IQCK: variants seen among roughly 807,000 people sequenced by gnomAD.
The protein encoded by IQCK is IQ motif containing K, also known as IQ domain-containing protein K.
IQCK carries 29 observed loss-of-function variants against 28.1 expected under a neutral mutation model. The observed-to-expected ratio is 1.03, with a 90% CI of 0.77 to 1.41. The LOEUF (loss-of-function observed/expected upper bound fraction) is 1.41, where lower values mean the gene tolerates loss of function less well. Among genes scored for constraint, IQCK ranks in the 40% most tolerant of loss-of-function variants. The pLI is 0.00. For synonymous variants in IQCK, 113 were observed against 115.1 expected (o/e 0.98, Z 0.12); for missense variants, 359 against 314.7 (o/e 1.14, Z -1.07).
intron 4 of IQCK, among the ~76,000 whole-genome samples, chr16:19,760,568 T>G (rs1204001770): frequency 6.6e-6 from 1 of 152,212 alleles, no homozygotes; most frequent in Non-Finnish European, 1.5e-5. Context: ...GGAGTTATAC[T>G]TCAACATATG....
chr16:19,835,412 C>T (rs1288757185), intron 9 of IQCK, among the ~76,000 whole-genome samples: 1 of 152,174 alleles, frequency 6.6e-6, no homozygotes, highest in African/African-American at 2.4e-5. Context: ...CCAGCACACA[C>T]AGATCTATCC....
chr16:19,820,469 G>A (rs962832243), intron 7 of IQCK, among the ~76,000 whole-genome samples: 1 of 152,084 alleles, frequency 6.6e-6, no homozygotes, highest in African/African-American at 2.4e-5. Flanking sequence ...CTAACATGGT[G>A]AAACCCCGTC....
intron 6 of IQCK, among the ~76,000 whole-genome samples, chr16:19,774,968 C>G (rs1394581833): frequency 6.6e-6 from 1 of 152,104 alleles, no homozygotes; most frequent in Admixed American, 6.6e-5. Flanking sequence ...TAGGCCTTGC[C>G]TGTAATCCCA....
At chr16:19,779,652 T>G (rs957033878) in intron 6 of IQCK, among the ~76,000 whole-genome samples, 1 of 152,076 alleles carries the variant, frequency 6.6e-6, no homozygotes, top group Non-Finnish European at 1.5e-5. Context: ...ACCATTAGGA[T>G]TTATCCTCGT....
chr16:19,744,531 A>G (rs1199248369), intron 4 of IQCK, among the ~76,000 whole-genome samples: 13 of 152,230 alleles, frequency 8.5e-5, no homozygotes, highest in Admixed American at 6.5e-4. Context: ...GGAGATTACA[A>G]TTGGGAGAAT....
intron 1 of IQCK, among the ~76,000 whole-genome samples, chr16:19,720,589 G>C (rs1262372693): frequency 6.6e-6 from 1 of 152,238 alleles, no homozygotes; most frequent in Non-Finnish European, 1.5e-5. Flanking sequence ...TGTTGACAAA[G>C]AAACATGCCT....
intron 4 of IQCK, among the ~76,000 whole-genome samples, chr16:19,747,715 C>G (rs925847081): frequency 3.3e-5 from 5 of 152,144 alleles, no homozygotes; most frequent in African/African-American, 9.7e-5. Flanking sequence ...GTTTTAGCAC[C>G]CACTTATGAG....
intron 7 of IQCK, chr16:19,789,318 G>A (rs1466927217): frequency 1.7e-5 from 1 of 57,970 alleles, no homozygotes; most frequent in African/African-American, 1.2e-4. Context: ...GGCGGAGGTG[G>A]GAGGATGGCT....
chr16:19,838,913 G>A (rs1232776476), intron 9 of IQCK, among the ~76,000 whole-genome samples: 3 of 150,576 alleles, frequency 2.0e-5, no homozygotes, highest in African/African-American at 7.3e-5. Context: ...CAGCTACTCG[G>A]GAGGCTGGGA....
intron 9 of IQCK, among the ~76,000 whole-genome samples, chr16:19,852,676 G>A (rs902404045): frequency 5.5e-5 from 8 of 146,142 alleles, no homozygotes; most frequent in Non-Finnish European, 1.0e-4. Context: ...AGGCTGGAGT[G>A]CAGTGACGCG....
intron 4 of IQCK, among the ~76,000 whole-genome samples, chr16:19,755,461 C>T (rs531820577): frequency 5.3e-5 from 8 of 152,160 alleles, no homozygotes; most frequent in East Asian, 1.9e-4. Flanking sequence ...CAGACTGTAG[C>T]GTAGGGAGAG....
At chr16:19,773,168 A>C (rs886460856) in intron 6 of IQCK, among the ~76,000 whole-genome samples, 1 of 152,122 alleles carries the variant, frequency 6.6e-6, no homozygotes, top group Non-Finnish European at 1.5e-5. Flanking sequence ...GGAGTGACAG[A>C]CAATGGAGGA....
chr16:19,768,756 AAAAC>A (rs947556137), intron 6 of IQCK, among the ~76,000 whole-genome samples: 5 of 152,160 alleles, frequency 3.3e-5, no homozygotes, highest in African/African-American at 1.2e-4. Context: ...AAAAAAACAA[AAAAC>A]AAACAAACAA....
At chr16:19,729,250 G>A (rs552929761) in intron 1 of IQCK, among the ~76,000 whole-genome samples, 1 of 152,298 alleles carries the variant, frequency 6.6e-6, no homozygotes, top group Admixed American at 6.5e-5. Context: ...TGGGATTACA[G>A]GTGCCCGGCG....
chr16:19,857,470 CG>C (rs1567204911), exon 10 of IQCK: 3 of 437,440 alleles, frequency 6.9e-6, no homozygotes, highest in Admixed American at 2.6e-5. Flanking sequence ...AACAGTCAGC[CG>C]GGGGAAGATA....
intron 6 of IQCK, among the ~76,000 whole-genome samples, chr16:19,769,958 G>GT (rs1260056244): frequency 6.6e-6 from 1 of 152,140 alleles, no homozygotes; most frequent in African/African-American, 2.4e-5. Context: ...TTGCTCCTGG[G>GT]TATGTGGGTG....
At chr16:19,757,789 TGA>T (rs1433784320) in intron 4 of IQCK, among the ~76,000 whole-genome samples, 3 of 152,252 alleles carry the variant, frequency 2.0e-5, no homozygotes, top group Non-Finnish European at 2.9e-5. Context: ...ATAGATGAAC[TGA>T]GAGAATTTTG....
At chr16:19,842,235 T>C (rs1466977058) in intron 9 of IQCK, among the ~76,000 whole-genome samples, 1 of 152,150 alleles carries the variant, frequency 6.6e-6, no homozygotes, top group Non-Finnish European at 1.5e-5. Context: ...TTTTGAAAAA[T>C]GAAGTACAAT....
intron 4 of IQCK, among the ~76,000 whole-genome samples, chr16:19,762,528 T>C (rs972683760): frequency 2.6e-5 from 4 of 152,220 alleles, no homozygotes; most frequent in African/African-American, 7.2e-5. Context: ...AAGAAATGTC[T>C]TTGGAATTCT....
Sources: allele counts gnomAD v4.1 joint callset (sites outside exome capture counted in the v4.1 genomes callset), GRCh38; gene constraint gnomAD v4.1.1; transcripts MANE v1.5; gene names NCBI Gene and HGNC (gene_info 2026-07-23, HGNC 2026-07-21).